The following NKAIN2 variants were observed in gnomAD, a reference collection of about 807,000 sequenced individuals.
The protein encoded by NKAIN2 is sodium/potassium-transporting ATPase subunit beta-1-interacting protein 2.
NKAIN2 carries 14 observed loss-of-function variants against 32.6 expected under a neutral mutation model. The ratio of observed to expected loss-of-function variants is 0.43; its 90% CI spans 0.28 to 0.67. NKAIN2 has a LOEUF of 0.67. NKAIN2 is among the 30% of genes least tolerant of loss of function. The pLI is 0.17. For missense variants in NKAIN2, 198 were observed against 258.3 expected, an observed-to-expected ratio of 0.77 and a Z score of 1.60; for synonymous variants, 80 against 87.2, an observed-to-expected ratio of 0.92 and a Z score of 0.46.
intron 6 of NKAIN2, among the ~76,000 whole-genome samples, chr6:124,820,164 C>G (rs1781333894): frequency 1.3e-5 from 2 of 152,122 alleles, no homozygotes; most frequent in African/African-American, 4.8e-5. Context: ...GCTACAACAA[C>G]AAAACATGAT....
intron 1 of NKAIN2, among the ~76,000 whole-genome samples, chr6:124,227,772 T>G (rs1792199998): frequency 6.6e-6 from 1 of 152,166 alleles, no homozygotes; most frequent in South Asian, 2.1e-4. Context: ...AGGTAATGCC[T>G]CATAACTGAG....
chr6:123,821,354 A>G lies in NKAIN2; in HGVS notation c.54+17100A>G, dbSNP rs544203324. Among the ~76,000 whole-genome samples, 167 of 152,342 alleles carry G rather than the reference A, an allele frequency of 1.1e-3. 1 individual carries two copies. Among genetic ancestry groups the G allele is most frequent in the Middle Eastern group, 0.01 (3 of 294 alleles). On this transcript the variant is annotated intron_variant, in intron 1 of 6. Transcript: ENST00000368417. ...GAATGAGAACAGCTGGTGTCAGGCC[A>G]GGTGCTGATAGTACTAATGTTGATG...
At chr6:123,868,010 A>G (rs1329171294) in intron 1 of NKAIN2, among the ~76,000 whole-genome samples, 2 of 152,008 alleles carry the variant, frequency 1.3e-5, no homozygotes, top group African/African-American at 2.4e-5. Context: ...CTGGGACTAC[A>G]GGCGCACACC....
intron 4 of NKAIN2, among the ~76,000 whole-genome samples, chr6:124,752,195 G>T (rs534307624): frequency 1.5e-4 from 23 of 151,812 alleles, no homozygotes; most frequent in Admixed American, 1.1e-3. Context: ...CTGTCAGAAG[G>T]GGGTGACTTA....
chr6:123,892,471 G>GCTCTCATGAGA (rs11268264), intron 1 of NKAIN2, among the ~76,000 whole-genome samples: 55,902 of 150,712 alleles, frequency 0.37, 10,734 homozygotes, highest in East Asian at 0.49. Context: ...AAAAACATCA[G>GCTCTCATGAGA]CTCTCATGAG....
At chr6:124,394,211 A>T in intron 3 of NKAIN2, among the ~76,000 whole-genome samples, 1 of 152,096 alleles carries the variant, frequency 6.6e-6, no homozygotes, top group East Asian at 1.9e-4. Context: ...AAATCATGTG[A>T]AAAAAATTGG....
chr6:124,102,679 T>C (rs541589037), intron 1 of NKAIN2, among the ~76,000 whole-genome samples: 3 of 152,320 alleles, frequency 2.0e-5, no homozygotes, highest in Admixed American at 1.3e-4. Context: ...GTGAATGTAT[T>C]GTGCTTCTTC....
At chr6:124,148,329 G>A (rs2114375565) in intron 1 of NKAIN2, among the ~76,000 whole-genome samples, 1 of 151,970 alleles carries the variant, frequency 6.6e-6, no homozygotes, top group East Asian at 1.9e-4. Flanking sequence ...TTACAAAGTT[G>A]TGCAACCATT....
chr6:124,586,267 G>C (rs1290796418), intron 3 of NKAIN2, among the ~76,000 whole-genome samples: 1 of 152,216 alleles, frequency 6.6e-6, no homozygotes, highest in Non-Finnish European at 1.5e-5. Context: ...GTACTGGTAA[G>C]TATGCAAAGC....
At chr6:124,387,404 C>A (rs1772951333) in intron 3 of NKAIN2, among the ~76,000 whole-genome samples, 1 of 151,770 alleles carries the variant, frequency 6.6e-6, no homozygotes, top group Non-Finnish European at 1.5e-5. Context: ...GAATATTTAG[C>A]TCTTGCTCCT....
At chr6:124,743,797 A>G (rs1325397269) in intron 4 of NKAIN2, among the ~76,000 whole-genome samples, 3 of 151,856 alleles carry the variant, frequency 2.0e-5, no homozygotes, top group African/African-American at 7.2e-5. Context: ...ACTATTTGCT[A>G]TTCACATTTC....
chr6:124,489,000 T>A (rs148042220), intron 3 of NKAIN2, among the ~76,000 whole-genome samples: 1 of 152,058 alleles, frequency 6.6e-6, no homozygotes, highest in African/African-American at 2.4e-5. Flanking sequence ...TTAATAAATA[T>A]TGGTTTCAGC....
At chr6:124,400,169 C>A (rs1263167397) in intron 3 of NKAIN2, among the ~76,000 whole-genome samples, 2 of 152,134 alleles carry the variant, frequency 1.3e-5, no homozygotes, top group African/African-American at 2.4e-5. Flanking sequence ...ACATTAGAAT[C>A]TCCTGCGGAT....
At chr6:123,878,294 C>T in intron 1 of NKAIN2, among the ~76,000 whole-genome samples, 1 of 151,954 alleles carries the variant, frequency 6.6e-6, no homozygotes, top group Admixed American at 6.6e-5. Context: ...GTAATTTTTC[C>T]CTTATAACTT....
At chr6:124,732,613 A>C (rs1345783780) in intron 4 of NKAIN2, among the ~76,000 whole-genome samples, 2 of 152,042 alleles carry the variant, frequency 1.3e-5, no homozygotes, top group African/African-American at 4.8e-5. Context: ...GTAATAACTC[A>C]AATAAGTACA....
At chr6:123,926,836 C>CCTTCATAACCTGACCCAAATTAATTTTT (rs1776027837) in intron 1 of NKAIN2, among the ~76,000 whole-genome samples, 2 of 152,124 alleles carry the variant, frequency 1.3e-5, no homozygotes, top group Non-Finnish European at 2.9e-5. Context: ...TGTTTAAAGT[C>CCTTCATAACCTGACCCAAATTAATTTTT]CTTCATAACC....
chr6:123,999,432 T>G lies in NKAIN2; in HGVS notation c.54+195178T>G, dbSNP rs1049595950. Reference sequence around the variant, plus strand: ...AGAGCTTTCACTTGGCCTACTGTATTGCTAATGTTTATTGCCACCGTAACT... The same window carrying G: ...AGAGCTTTCACTTGGCCTACTGTATGGCTAATGTTTATTGCCACCGTAACT... On this transcript the variant is annotated intron_variant, in intron 1 of 6. Coordinates refer to ENST00000368417, the MANE Select transcript of NKAIN2 (RefSeq NM_001040214.3). 4.6e-5 allele frequency among the ~76,000 whole-genome samples: 7 copies of G among 152,256 alleles called. No individual in the cohort carries two copies. The South Asian group carries it at 1.5e-3, about 32-fold the overall frequency.
chr6:124,626,201 G>A (rs939073766), intron 3 of NKAIN2, among the ~76,000 whole-genome samples: 4 of 149,370 alleles, frequency 2.7e-5, no homozygotes, highest in African/African-American at 9.9e-5. Flanking sequence ...CAGTATCTAA[G>A]GAGGAAGTAA....
At chr6:124,433,008 T>A (rs1775283465) in intron 3 of NKAIN2, among the ~76,000 whole-genome samples, 1 of 151,964 alleles carries the variant, frequency 6.6e-6, no homozygotes, top group South Asian at 2.1e-4. Context: ...GTATCCCTAG[T>A]TGGGAAACAC....
Sources: gnomAD v4.1 joint callset for allele counts (sites outside exome capture counted in the v4.1 genomes callset) on GRCh38, gnomAD v4.1.1 for gene constraint, MANE v1.5 for transcripts, NCBI Gene and HGNC (gene_info 2026-07-23, HGNC 2026-07-21) for gene names.